CPNE3: variants seen among roughly 807,000 people sequenced by gnomAD.
CPNE3 encodes copine 3.
A neutral mutation model predicts 63.9 loss-of-function variants in CPNE3; 68 were observed. The observed-to-expected ratio is 1.06, with a 90% confidence interval of 0.87 to 1.30. The LOEUF (loss-of-function observed/expected upper bound fraction) is 1.30. Ranked by LOEUF, CPNE3 falls within the 50% of genes most tolerant of loss-of-function variation. CPNE3 has a pLI of 0.00. For synonymous variants in CPNE3, 219 were observed against 197.5 expected, an observed-to-expected ratio of 1.11 and a Z score of -0.91; for missense variants, 665 against 578.1, an observed-to-expected ratio of 1.15 and a Z score of -1.54.
At chr8:86,536,332 T>C (rs1054239592) in intron 6 of CPNE3, among the ~76,000 whole-genome samples, 1 of 148,906 alleles carries the variant, frequency 6.7e-6, no homozygotes, top group Non-Finnish European at 1.5e-5. Context: ...ACTTTGCTTC[T>C]TTTACTTAAC....
At chr8:86,553,677 G>A (rs755223147) in intron 14 of CPNE3, among the ~76,000 whole-genome samples, 1 of 151,546 alleles carries the variant, frequency 6.6e-6, no homozygotes, top group Non-Finnish European at 1.5e-5. Context: ...GACTGTATAT[G>A]CTTCTCCTTT....
chr8:86,544,651 C>A (rs1427211291), intron 8 of CPNE3, 89 bp from the exon 9 acceptor site: 3 of 507,270 alleles, frequency 5.9e-6, no homozygotes, highest in African/African-American at 2.0e-5. Context: ...ATTAAAAGGG[C>A]ACTTCATGAT....
At chr8:86,554,719 A>T in intron 14 of CPNE3, 132 bp from the exon 15 acceptor site, 1 of 1,047,482 alleles carries the variant, frequency 9.5e-7, no homozygotes, top group Non-Finnish European at 1.4e-6. Flanking sequence ...TAGAGGAACT[A>T]CTGCTTATAG....
At chr8:86,542,762 A>G (rs1469440355) in intron 8 of CPNE3, among the ~76,000 whole-genome samples, 1 of 152,118 alleles carries the variant, frequency 6.6e-6, no homozygotes, top group East Asian at 1.9e-4. Flanking sequence ...ATATGCCAGC[A>G]TTATAAATAT....
At chr8:86,545,009 G>T (rs906436141) in intron 9 of CPNE3, 171 bp downstream of exon 9, 2 of 368,090 alleles carry the variant, frequency 5.4e-6, no homozygotes, top group Non-Finnish European at 9.6e-6. Flanking sequence ...CTTGGGGCAT[G>T]AATTTTATTG....
In CPNE3 at chr8:86,551,206, C is replaced by T. The variant is rs770243281; in HGVS notation, c.1092C>T (p.Asn364=). 19 of 1,609,922 alleles carry T rather than the reference C, an allele frequency of 1.2e-5. No individual in the cohort carries two copies. Among genetic ancestry groups the T allele is most frequent in the Non-Finnish European group, 1.6e-5 (19 of 1,176,254 alleles). ...QWQVSHEFPM[N]FNPSNPYCNG... ...AGGTATCACATGAATTTCCAATGAA[C>T]TTCAACCCATCCAATCCCTACTGCA... Residue 364 remains asparagine, a synonymous_variant, in exon 14 of 17, where the codon AAC becomes AAT. Coordinates refer to ENST00000517490, the MANE Select transcript of CPNE3 (RefSeq NM_003909.5).
At chr8:86,550,916 T>A in intron 12 of CPNE3, 130 bp from the exon 13 acceptor site, 1 of 874,002 alleles carries the variant, frequency 1.1e-6, no homozygotes, top group Non-Finnish European at 1.7e-6. Flanking sequence ...TCTTTGGCAG[T>A]TAATATAGGT....
At chr8:86,519,019 C>T (rs1586824791) in intron 2 of CPNE3, among the ~76,000 whole-genome samples, 1 of 152,174 alleles carries the variant, frequency 6.6e-6, no homozygotes, top group African/African-American at 2.4e-5. Flanking sequence ...GCCTCAGCCT[C>T]CCAAAGTACT....
Position 86,558,632 on chromosome 8 carries a change from T to C in CPNE3, c.*222T>C. 1 of 459,990 alleles carries C rather than the reference T, an allele frequency of 2.2e-6. No homozygotes were observed. The highest frequency in any genetic ancestry group is 3.9e-6 in the Non-Finnish European group (1 of 253,746). The allele number at this position is 459,990 out of a possible 1,614,324, so 28.5% of individuals were successfully genotyped here. On this transcript the variant is annotated 3_prime_UTR_variant, in exon 17 of 17. Coordinates refer to ENST00000517490, the MANE Select transcript of CPNE3 (RefSeq NM_003909.5). ...TTCAGTGATTGATAGCAATTTACAT[T>C]AATTGCAGTAAAGCTCTTTGGATTA... is the stretch of plus-strand genomic sequence containing the variant.
rs551771525 is a variant in CPNE3, at chr8:86,522,071, A to C, written c.-10-6465A>C. On this transcript the variant is annotated intron_variant, in intron 2 of 16. Coordinates refer to ENST00000517490, the MANE Select transcript of CPNE3 (RefSeq NM_003909.5). ...CCACTTTCTTACTGTCTACCCTTGA[A>C]TGTAAGGGTGAAAAAGAAATCTGGT... Among the ~76,000 whole-genome samples, 9 of 152,270 alleles carry C rather than the reference A, an allele frequency of 5.9e-5. No homozygotes were observed. The South Asian group carries it at 6.2e-4, about 11-fold the overall frequency.
chr8:86,554,995 T>C lies in CPNE3; in HGVS notation c.1254+11T>C, dbSNP rs1434628778. 3 of 1,613,848 alleles carry C rather than the reference T, an allele frequency of 1.9e-6. No homozygotes were observed. Among genetic ancestry groups the C allele is most frequent in the Non-Finnish European group, 2.5e-6 (3 of 1,179,972 alleles). ...CAGCAGACAGCTTCTGTAAGTGCTC[T>C]ATGGCCAGGGAATGGGAAGAATGTG... On this transcript the variant is annotated intron_variant, in intron 15 of 16. Coordinates refer to ENST00000517490, the MANE Select transcript of CPNE3 (RefSeq NM_003909.5).
rs1167103140 is a variant in CPNE3, at chr8:86,555,304, C to G, written c.1254+320C>G. On this transcript the variant is annotated intron_variant, in intron 15 of 16. Coordinates refer to ENST00000517490, the MANE Select transcript of CPNE3 (RefSeq NM_003909.5). ...AACAAATTAAGCTTAAGGAAAGTTA[C>G]CACATCAGATGCTGTTGCAAGATTT... is the stretch of plus-strand genomic sequence containing the variant. 2.6e-5 allele frequency among the ~76,000 whole-genome samples: 4 copies of G among 151,836 alleles called. No individual in the cohort carries two copies. In the East Asian group the frequency reaches 7.7e-4, roughly 29 times the overall value.
chr8:86,528,659 T>A lies in CPNE3; in HGVS notation c.114T>A (p.Ser38Arg). 16 of 1,613,152 alleles carry A rather than the reference T, an allele frequency of 9.9e-6. No homozygotes were observed. The highest frequency in any genetic ancestry group is 1.4e-5 in the Non-Finnish European group (16 of 1,179,724). Residue 38 changes from serine (S) to arginine (R), a missense_variant, in exon 3 of 17, where the codon AGT becomes AGA. Transcript: ENST00000517490. Reference protein sequence around the residue: ...DPLCVLFLNTSGQQWYEVERT... With the variant: ...DPLCVLFLNTRGQQWYEVERT... ...TATGTGTGTTGTTTTTGAATACAAG[T>A]GGTCAACAGTGGTATGAGGTAATGT...
At chr8:86,554,595 G>A (rs533823476) in intron 14 of CPNE3, among the ~76,000 whole-genome samples, 10 of 152,126 alleles carry the variant, frequency 6.6e-5, no homozygotes, top group East Asian at 1.9e-4. Context: ...CAGTCCTACC[G>A]TAGACTAATA....
intron 2 of CPNE3, among the ~76,000 whole-genome samples, chr8:86,525,567 G>T (rs577602512): frequency 6.6e-6 from 1 of 152,170 alleles, no homozygotes; most frequent in Admixed American, 6.5e-5. Context: ...ATAACTGTCA[G>T]CAATTGGTTA....
intron 4 of CPNE3, among the ~76,000 whole-genome samples, chr8:86,529,794 GT>G (rs1463698284): frequency 6.6e-6 from 1 of 152,106 alleles, no homozygotes; most frequent in Non-Finnish European, 1.5e-5. Context: ...ACTGAAGAAA[GT>G]TTTAGGAGGG....
At chr8:86,521,736 A>G (rs1453083986) in intron 2 of CPNE3, 2 of 152,116 alleles carry the variant, frequency 1.3e-5, no homozygotes, top group Non-Finnish European at 2.9e-5. Flanking sequence ...AACCTTTTTG[A>G]AGAAATTTAT....
chr8:86,526,229 A>G (rs1427676091), intron 2 of CPNE3, among the ~76,000 whole-genome samples: 3 of 149,860 alleles, frequency 2.0e-5, no homozygotes, highest in Non-Finnish European at 4.5e-5. Flanking sequence ...CTCCGTCTCA[A>G]AAAAAAAAAA....
chr8:86,515,237 A>G (rs998639943), intron 1 of CPNE3: 2 of 152,208 alleles, frequency 1.3e-5, no homozygotes, highest in African/African-American at 4.8e-5. Context: ...CAGATCAACC[A>G]TTTATGTTGC....
Sources: gnomAD v4.1 joint callset for allele counts (sites outside exome capture counted in the v4.1 genomes callset) on GRCh38, gnomAD v4.1.1 for gene constraint, MANE v1.5 for transcripts, NCBI Gene and HGNC (gene_info 2026-07-23, HGNC 2026-07-21) for gene names.